C16orf96: variants seen among roughly 807,000 people sequenced by gnomAD.
The protein encoded by C16orf96 is chromosome 16 open reading frame 96.
Under a neutral mutation model 103.6 loss-of-function variants are expected in C16orf96, and 108 were observed. The ratio of observed to expected loss-of-function variants is 1.04; its 90% confidence interval spans 0.89 to 1.22. The LOEUF is 1.22. Ranked by LOEUF, C16orf96 falls within the 50% of genes most tolerant of loss-of-function variation. The pLI is 0.00. For missense variants in C16orf96, 1,586 were observed against 1,464.2 expected (o/e 1.08, Z -1.36); for synonymous variants, 566 against 593.5 (o/e 0.95, Z 0.67).
chr16:4,597,363 G>C (rs1322222294), intron 14 of C16orf96, among the ~76,000 whole-genome samples: 1 of 152,190 alleles, frequency 6.6e-6, no homozygotes, highest in African/African-American at 2.4e-5. Context: ...CAAATGACCA[G>C]CTGAGTGAGG....
At chr16:4,538,799 G>A in the C16orf96 span, 3 of 152,166 alleles carry the variant, frequency 2.0e-5, no homozygotes, top group Non-Finnish European at 4.4e-5. Flanking sequence ...GTAGACTTTG[G>A]ACCAGGGCCG....
At chr16:4,546,947 C>CT in the C16orf96 span, among the ~76,000 whole-genome samples, 2 of 151,140 alleles carry the variant, frequency 1.3e-5, no homozygotes, top group East Asian at 3.9e-4. Flanking sequence ...CCATTTCTCT[C>CT]TTTTTTTGTC....
intron 7 of C16orf96, among the ~76,000 whole-genome samples, chr16:4,585,037 C>T (rs1896888170): frequency 6.6e-6 from 1 of 152,142 alleles, no homozygotes; most frequent in African/African-American, 2.4e-5. Flanking sequence ...GTCCCAGCTA[C>T]TGGGGAAGCA....
intron 1 of C16orf96, among the ~76,000 whole-genome samples, chr16:4,563,296 C>T (rs1210972802): frequency 2.0e-5 from 3 of 152,178 alleles, no homozygotes; most frequent in Non-Finnish European, 2.9e-5. Context: ...GTCGCCCAGG[C>T]TGGGGTGCAG....
chr16:4,567,899 T>G (rs2059398754), intron 1 of C16orf96, among the ~76,000 whole-genome samples: 1 of 151,688 alleles, frequency 6.6e-6, no homozygotes, highest in Non-Finnish European at 1.5e-5. Context: ...GGTTTCACCA[T>G]GTTGGCCAGG....
chr16:4,548,021 A>G, the C16orf96 span, among the ~76,000 whole-genome samples: 1 of 152,144 alleles, frequency 6.6e-6, no homozygotes, highest in South Asian at 2.1e-4. Flanking sequence ...ACTAAAAGCC[A>G]TTGAATTATA....
At chr16:4,589,906 G>A (rs1052538209) in intron 9 of C16orf96, among the ~76,000 whole-genome samples, 8 of 146,448 alleles carry the variant, frequency 5.5e-5, no homozygotes, top group Non-Finnish European at 1.1e-4. Flanking sequence ...GGCAGATCAC[G>A]AGGTCAGAAG....
intron 5 of C16orf96, among the ~76,000 whole-genome samples, chr16:4,577,829 G>A (rs571281649): frequency 3.9e-5 from 6 of 152,268 alleles, no homozygotes; most frequent in East Asian, 1.9e-4. Context: ...GATAGTGCGC[G>A]CCTGTAATCC....
chr16:4,565,808 GTTATGAATA>G lies in C16orf96; in HGVS notation c.421-5751_421-5743del, dbSNP rs201697029. ...CCAGCCTCGTTTCTACCTTTTGACT[GTTATGAATA>G]TGCTGCTATAAGCATTCATGTACAA... On this transcript the variant is annotated intron_variant, in intron 1 of 15. Transcript: ENST00000444310. 5.7e-3 allele frequency among the ~76,000 whole-genome samples: 862 copies of G among 152,268 alleles called. 6 individuals are homozygous for G. Among genetic ancestry groups the G allele is most frequent in the African/African-American group, 0.017 (722 of 41,558 alleles).
At chr16:4,588,139 T>C (rs2141750872) in intron 8 of C16orf96, 28 bp from the exon 9 acceptor site, 1 of 1,542,998 alleles carries the variant, frequency 6.5e-7, no homozygotes, top group Non-Finnish European at 8.8e-7. Flanking sequence ...CCAGCAGCCA[T>C]GCCTCCCTGA....
intron 1 of C16orf96, among the ~76,000 whole-genome samples, chr16:4,567,519 A>G (rs1201515986): frequency 2.7e-5 from 4 of 150,460 alleles, no homozygotes. Context: ...ATCTGACCTC[A>G]TCATCCGCCC....
chr16:4,574,608 C>T (rs569313973), intron 2 of C16orf96, 101 bp from the exon 3 acceptor site: 5 of 900,782 alleles, frequency 5.6e-6, no homozygotes, highest in East Asian at 2.6e-5. Flanking sequence ...ATTTGGAACC[C>T]GTTCTTCCTT....
At chr16:4,567,574 C>T (rs149446958) in intron 1 of C16orf96, among the ~76,000 whole-genome samples, 10,942 of 151,576 alleles carry the variant, frequency 0.072, 657 homozygotes, top group African/African-American at 0.15. Context: ...TGAGCCACCG[C>T]GCCCGGCCTT....
At chr16:4,542,596 A>G in the C16orf96 span, among the ~76,000 whole-genome samples, 1 of 152,132 alleles carries the variant, frequency 6.6e-6, no homozygotes, top group Non-Finnish European at 1.5e-5. Context: ...CAGGAGTTCA[A>G]GACCAGCCTG....
Position 4,558,040 on chromosome 16 carries a change from G to A in C16orf96, c.420+1131G>A, listed in dbSNP as rs192656820. Among the ~76,000 whole-genome samples the A allele has an allele frequency of 3.7e-3, 559 of 152,322 alleles. 4 individuals carry two copies. Among genetic ancestry groups the A allele is most frequent in the Middle Eastern group, 0.024 (7 of 294 alleles). ...AGTACCAGAGTAGTCACGGTGAACA[G>A]GCACGCCCGGCCTAGCAGGGGAGAT... On this transcript the variant is annotated intron_variant, in intron 1 of 15. Coordinates refer to ENST00000444310, the MANE Select transcript of C16orf96 (RefSeq NM_001145011.2).
rs923130367 is a variant in C16orf96, at chr16:4,593,359, A to G, written c.2867+43A>G. On this transcript the variant is annotated intron_variant, in intron 12 of 15. Transcript: ENST00000444310. The surrounding 1 kb of genome is among the most constrained non-coding windows in gnomAD (Gnocchi z 4.2). ...CCCGCAGGGAGGCCGCCCCGCATGG[A>G]GGCCACTCTGGAGCCTGGGAACCCT... 5 of 1,511,500 alleles carry G rather than the reference A, an allele frequency of 3.3e-6. No individual in the cohort carries two copies. In the African/African-American group the frequency reaches 6.9e-5, roughly 21 times the overall value. 93.6% of individuals were successfully genotyped at this position (1,511,500 alleles called of 1,614,324 possible). A position where few individuals can be genotyped will look rare whatever the true frequency, so the allele number is the denominator to read the frequency against.
At chr16:4,587,216 C>T (rs1387683287) in intron 8 of C16orf96, 103 bp downstream of exon 8, 2 of 1,138,880 alleles carry the variant, frequency 1.8e-6, no homozygotes, top group Non-Finnish European at 2.6e-6. Context: ...TTCCCTCCCC[C>T]TTTGTTCATA....
At chr16:4,586,230 A>G (rs1220184732) in intron 7 of C16orf96, among the ~76,000 whole-genome samples, 2 of 152,218 alleles carry the variant, frequency 1.3e-5, no homozygotes, top group Non-Finnish European at 2.9e-5. Flanking sequence ...ACTGCACTCC[A>G]GCCTGGGCGA....
chr16:4,559,066 C>T (rs147945839), intron 1 of C16orf96, among the ~76,000 whole-genome samples: 31 of 151,996 alleles, frequency 2.0e-4, no homozygotes, highest in African/African-American at 6.8e-4. Context: ...GCCTGGGTGA[C>T]GGAGAAAGTC....
Sources: allele counts gnomAD v4.1 joint callset (sites outside exome capture counted in the v4.1 genomes callset), GRCh38; gene constraint gnomAD v4.1.1; non-coding constraint Gnocchi (gnomAD v3.1); transcripts MANE v1.5; gene names NCBI Gene and HGNC (gene_info 2026-07-23, HGNC 2026-07-21).